The following C4orf51 variants were observed in gnomAD, a reference collection of about 807,000 sequenced individuals.
C4orf51 encodes uncharacterized protein C4orf51.
C4orf51 carries 25 observed loss-of-function variants against 25.2 expected under a neutral mutation model. The observed-to-expected ratio is 0.99, with a 90% CI of 0.72 to 1.39. C4orf51 has a LOEUF of 1.39. C4orf51 is among the 40% of genes most tolerant of loss of function. The probability of loss-of-function intolerance (pLI) is 0.00; values close to 1 mark genes in which losing one functional copy is unlikely to be tolerated. For missense variants in C4orf51, 252 were observed against 239.6 expected (o/e 1.05, Z -0.34); for synonymous variants, 100 against 84.5 (o/e 1.18, Z -1.01).
intron 2 of C4orf51, among the ~76,000 whole-genome samples, chr4:145,710,355 A>C (rs1731063680): frequency 6.6e-6 from 1 of 152,202 alleles, no homozygotes; most frequent in Non-Finnish European, 1.5e-5. Flanking sequence ...TCTGATGTGC[A>C]GCTTGACATT....
intron 1 of C4orf51, among the ~76,000 whole-genome samples, chr4:145,766,759 T>TA: frequency 6.6e-6 from 1 of 152,246 alleles, no homozygotes. Context: ...GCCCGGCACT[T>TA]AGAGAGGGCT....
Position 145,761,034 on chromosome 4 carries a change from C to T in C4orf51, n.167-9954C>T. 2 of 1,284,404 alleles carry T rather than the reference C, an allele frequency of 1.6e-6. No individual in the cohort carries two copies. Among genetic ancestry groups the T allele is most frequent in the Non-Finnish European group, 2.0e-6 (2 of 985,142 alleles). The allele number at this position is 1,284,404 out of a possible 1,614,324, so 79.6% of individuals were successfully genotyped here. ...GCTCTGAGCTGCTGCCGTGGGCTGC[C>T]GACAGGGCCACGGTCTGCAGAGCCT... On this transcript the variant is annotated intron_variant and non_coding_transcript_variant, in intron 1 of 1. Coordinates refer to the C4orf51 transcript ENST00000510096. The surrounding 1 kb of genome is among the most constrained non-coding windows in gnomAD (Gnocchi z 6.8).
rs148685252 is a variant in C4orf51 at position 145,688,699 on chromosome 4, T to C, written c.234-7860T>C. On this transcript the variant is annotated intron_variant, in intron 1 of 5. Transcript: ENST00000438731. ...TGTTTATAAATTACCCAGTCTCAGG[T>C]AGTATCTTTATAGCAGTGTGAAAAT... 1.1e-4 allele frequency among the ~76,000 whole-genome samples: 16 copies of C among 152,308 alleles called. No homozygotes were observed. In the East Asian group the frequency reaches 2.1e-3, roughly 20 times the overall value.
At chr4:145,787,892 C>T in the C4orf51 span, among the ~76,000 whole-genome samples, 2 of 152,102 alleles carry the variant, frequency 1.3e-5, no homozygotes, top group Non-Finnish European at 2.9e-5. Flanking sequence ...GTCAAGTAAC[C>T]GTTTCCACAG....
At chr4:145,692,953 GTTTTTTTTTTT>G (rs202227019) in intron 1 of C4orf51, among the ~76,000 whole-genome samples, 11,235 of 101,004 alleles carry the variant, frequency 0.11, 761 homozygotes, top group African/African-American at 0.21. Flanking sequence ...TAAGTTTTTA[GTTTTTTTTTTT>G]TTTTTTTTTT....
intron 5 of C4orf51, 141 bp from the exon 6 acceptor site, chr4:145,732,312 G>C: frequency 1.7e-6 from 1 of 592,764 alleles, no homozygotes; most frequent in East Asian, 2.9e-5. Context: ...GGTTAAGAGA[G>C]ATGGAAGAAA....
chr4:145,729,590 C>G (rs930760440), intron 4 of C4orf51, among the ~76,000 whole-genome samples: 4 of 152,140 alleles, frequency 2.6e-5, no homozygotes, highest in South Asian at 4.1e-4. Flanking sequence ...CGTGAGCCAC[C>G]ATGCCCGGTC....
chr4:145,760,804 A>G (rs907726600), intron 1 of C4orf51: 2 of 1,172,378 alleles, frequency 1.7e-6, no homozygotes. Context: ...TCTTTCTCTC[A>G]GTCCGAGATA....
chr4:145,716,155 C>G (rs756503174), intron 2 of C4orf51, among the ~76,000 whole-genome samples: 29 of 152,172 alleles, frequency 1.9e-4, no homozygotes, highest in Non-Finnish European at 8.8e-5. Flanking sequence ...CTTCCAAATT[C>G]CAGTTGCTTA....
In C4orf51 at chr4:145,686,544, A is replaced by G. The variant is rs115538062; in HGVS notation, c.233+6108A>G. 6.1e-3 allele frequency among the ~76,000 whole-genome samples: 930 copies of G among 152,276 alleles called. 9 individuals carry two copies. Among genetic ancestry groups the G allele is most frequent in the African/African-American group, 0.022 (895 of 41,552 alleles). The stretch of plus-strand genomic sequence containing the variant: ...ATATACAGAGGGATGTACATTCTGT[A>G]TATTCACTGCTTGCACAAATTGTCA... On this transcript the variant is annotated intron_variant, in intron 1 of 5. Transcript: ENST00000438731.
the C4orf51 span, among the ~76,000 whole-genome samples, chr4:145,785,301 G>A: frequency 3.9e-5 from 6 of 152,076 alleles, no homozygotes; most frequent in African/African-American, 1.4e-4. Flanking sequence ...GTTATTCAAG[G>A]GGACATGTCT....
chr4:145,745,350 C>T (rs1451196602), intron 1 of C4orf51, among the ~76,000 whole-genome samples: 1 of 138,786 alleles, frequency 7.2e-6, no homozygotes, highest in African/African-American at 2.7e-5. Context: ...TACCCATTAG[C>T]CATTCCCACT....
At chr4:145,790,067 A>G in the C4orf51 span, among the ~76,000 whole-genome samples, 2 of 152,240 alleles carry the variant, frequency 1.3e-5, no homozygotes, top group Non-Finnish European at 2.9e-5. Flanking sequence ...TGAGACCCTT[A>G]TAGTCTGTTC....
At chr4:145,756,622 T>C (rs892477498), downstream of C4orf51, among the ~76,000 whole-genome samples, 1 of 152,170 alleles carries the variant, frequency 6.6e-6, no homozygotes, top group Admixed American at 6.5e-5. Flanking sequence ...GAAAAAAGAA[T>C]GTGTACACAA....
the C4orf51 span, among the ~76,000 whole-genome samples, chr4:145,787,609 T>A: frequency 2.3e-3 from 353 of 152,296 alleles, 2 homozygotes; most frequent in African/African-American, 8.1e-3. Flanking sequence ...ACAAACTTAG[T>A]AAAGTAGAAT....
rs1168957716 is a variant in C4orf51, at chr4:145,762,817, C to G, written n.167-8171C>G. ...ATATGAGAACTGTAGTGTGTTTGCT[C>G]TCTTTCCACAAAGAATGCAGATGCA... On this transcript the variant is annotated intron_variant and non_coding_transcript_variant, in intron 1 of 1. Coordinates refer to the C4orf51 transcript ENST00000510096. This position sits in a 1 kb window ranked among gnomAD's most constrained non-coding sequence, Gnocchi z 4.9. Among the ~76,000 whole-genome samples the G allele has an allele frequency of 6.6e-6, 1 of 152,212 alleles. No individual in the cohort carries two copies. The highest frequency in any genetic ancestry group is 1.5e-5 in the Non-Finnish European group (1 of 68,036).
At chr4:145,739,369 T>C (rs1246244146) in intron 1 of C4orf51, among the ~76,000 whole-genome samples, 1 of 152,234 alleles carries the variant, frequency 6.6e-6, no homozygotes, top group Admixed American at 6.5e-5. Flanking sequence ...TACTCCAGAC[T>C]GAGGAATTCA....
At chr4:145,713,421 C>T (rs547342379) in intron 2 of C4orf51, among the ~76,000 whole-genome samples, 108 of 152,248 alleles carry the variant, frequency 7.1e-4, no homozygotes, top group African/African-American at 2.5e-3. Context: ...AAGTTGATTC[C>T]ATCCCCTGTG....
downstream of C4orf51, among the ~76,000 whole-genome samples, chr4:145,775,031 C>T (rs762619767): frequency 9.4e-4 from 143 of 152,202 alleles, no homozygotes; most frequent in Non-Finnish European, 1.9e-3. Context: ...TTAGTGGTGC[C>T]GGTCCACTGA....
Sources: allele counts gnomAD v4.1 joint callset (sites outside exome capture counted in the v4.1 genomes callset), GRCh38; gene constraint gnomAD v4.1.1; non-coding constraint Gnocchi (gnomAD v3.1); transcripts MANE v1.5; gene names NCBI Gene and HGNC (gene_info 2026-07-23, HGNC 2026-07-21).